TMCO6: variants seen among roughly 807,000 people sequenced by gnomAD.
The protein encoded by TMCO6 is transmembrane and coiled-coil domains 6.
A neutral mutation model predicts 61.8 loss-of-function variants in TMCO6; 47 were observed. That is an observed-to-expected ratio of 0.76 (90% CI 0.60 to 0.97). The LOEUF (loss-of-function observed/expected upper bound fraction) is 0.97, where lower values mean the gene tolerates loss of function less well. Ranked by LOEUF, TMCO6 falls within the 50% of genes least tolerant of loss-of-function variation. The pLI, the probability that TMCO6 is intolerant of heterozygous loss-of-function variation, is 0.00. For missense variants in TMCO6, 557 were observed against 601.6 expected, an observed-to-expected ratio of 0.93 and a Z score of 0.78; for synonymous variants, 261 against 254.2, an observed-to-expected ratio of 1.03 and a Z score of -0.25.
At chr5:140,604,610 A>G in the TMCO6 span, among the ~76,000 whole-genome samples, 37 of 151,938 alleles carry the variant, frequency 2.4e-4, no homozygotes, top group African/African-American at 8.5e-4. Flanking sequence ...TTTGTTGCTC[A>G]TGCTTTTGGT....
At chr5:140,644,899 C>A in intron 11 of TMCO6, 86 bp from the exon 12 acceptor site, 2 of 1,520,186 alleles carry the variant, frequency 1.3e-6, no homozygotes, top group Non-Finnish European at 9.1e-7. Context: ...AATGCACCCT[C>A]TGGAGTAGGC....
At position 140,641,969 on chromosome 5, in the gene TMCO6, C is replaced by G. The variant is rs528915325; in HGVS notation, c.414C>G (p.Ser138=). ...GGTGCCTGCATGAGCTCTCTCACTC[C>G]GAGCAGTCCACTGTTGCTGAGGCCT... ...AARCLHELSH[S]EQSTVAEACL... is the part of the protein sequence containing the mutation. Residue 138 remains serine, a synonymous_variant, in exon 4 of 12, where the codon TCC becomes TCG. Coordinates refer to ENST00000394671, the MANE Select transcript of TMCO6 (RefSeq NM_018502.5). The G allele has an allele frequency of 1.2e-6, 2 of 1,614,082 alleles. No homozygotes were observed. Among genetic ancestry groups the G allele is most frequent in the South Asian group, 2.2e-5 (2 of 91,084 alleles).
the TMCO6 span, among the ~76,000 whole-genome samples, chr5:140,614,618 CT>C: frequency 2.9e-4 from 42 of 146,746 alleles, no homozygotes; most frequent in East Asian, 6.0e-4. Flanking sequence ...TCTTTCATTC[CT>C]TTTTTTTTTT....
the TMCO6 span, among the ~76,000 whole-genome samples, chr5:140,599,696 T>C: frequency 2.0e-5 from 3 of 151,824 alleles, no homozygotes; most frequent in Non-Finnish European, 2.9e-5. Flanking sequence ...AGGTCAGGAG[T>C]TTGAGACCAA....
chr5:140,643,792 G>C lies in TMCO6; in HGVS notation c.931G>C (p.Val311Leu), dbSNP rs749485111. The C allele has an allele frequency of 2.5e-6, 4 of 1,614,038 alleles. No homozygotes were observed. In the South Asian group the frequency reaches 4.4e-5, roughly 18 times the overall value. The change falls in exon 9 of 12, where the codon GTG becomes CTG. Residue 311 changes from valine (V) to leucine (L), a missense_variant. Coordinates refer to ENST00000394671, the MANE Select transcript of TMCO6 (RefSeq NM_018502.5). Reference protein sequence around the residue: ...DAGLELLACPVLRCLSNLLTE... With the variant: ...DAGLELLACPLLRCLSNLLTE... ...TTTGTCTTTGCAGCTGGCATGCCCC[G>C]TGCTTCGATGTCTAAGCAACCTGCT...
the TMCO6 span, among the ~76,000 whole-genome samples, chr5:140,617,056 A>G: frequency 0.028 from 4,253 of 152,238 alleles, 174 homozygotes; most frequent in African/African-American, 0.092. Flanking sequence ...AAAAAAGAAA[A>G]AAAAAAAAGT....
At chr5:140,641,308 T>TA (rs980216592) in intron 2 of TMCO6, 21 of 191,744 alleles carry the variant, frequency 1.1e-4, no homozygotes, top group African/African-American at 3.2e-4. Flanking sequence ...TGGTTGTTGT[T>TA]AGAGTGTAGG....
At chr5:140,615,504 G>C in the TMCO6 span, among the ~76,000 whole-genome samples, 1 of 151,812 alleles carries the variant, frequency 6.6e-6, no homozygotes, top group African/African-American at 2.4e-5. Context: ...GGAAAAAAAA[G>C]AACCAAGTTG....
rs541132162 is a variant in TMCO6 at position 140,641,712 on chromosome 5, G to A, written c.246G>A (p.Glu82=). The stretch of plus-strand genomic sequence containing the variant: ...CCCAGCGGGGGACAGAGGAAAAGGA[G>A]AGAGAGGGGGCTCTGGTCAGCCTTC... ...RQAQRGTEEK[E]REGALVSLRR... is the part of the protein sequence containing the mutation. The change falls in exon 3 of 12, where the codon GAG becomes GAA. Residue 82 remains glutamate (E), a synonymous_variant. Transcript: ENST00000394671. 8.0e-5 allele frequency: 129 copies of A among 1,614,226 alleles called. 3 individuals carry two copies. The South Asian group carries it at 1.4e-3, about 17-fold the overall frequency.
chr5:140,644,341 T>A, intron 10 of TMCO6, 147 bp downstream of exon 10: 2 of 992,366 alleles, frequency 2.0e-6, no homozygotes, highest in African/African-American at 1.6e-5. Context: ...GTGTGTCCCT[T>A]AAACTGGATT....
At chr5:140,617,626 C>T in the TMCO6 span, among the ~76,000 whole-genome samples, 13 of 150,710 alleles carry the variant, frequency 8.6e-5, no homozygotes, top group Admixed American at 7.3e-4. Context: ...TTTAGCTACT[C>T]GGGAGGCTGA....
At chr5:140,639,927 C>T (rs754061855) in intron 2 of TMCO6, 76 bp downstream of exon 2, 33 of 1,307,748 alleles carry the variant, frequency 2.5e-5, no homozygotes, top group Non-Finnish European at 3.6e-5. Flanking sequence ...GAGGTCTGCC[C>T]CAAACCTGAA....
the TMCO6 span, among the ~76,000 whole-genome samples, chr5:140,623,940 A>T: frequency 2.6e-5 from 4 of 152,128 alleles, no homozygotes; most frequent in South Asian, 8.3e-4. Context: ...GTCTTCAAAA[A>T]ATGCGCATAA....
the TMCO6 span, among the ~76,000 whole-genome samples, chr5:140,597,258 C>T: frequency 1.3e-5 from 2 of 152,202 alleles, no homozygotes; most frequent in South Asian, 2.1e-4. Context: ...TTTTGCAATA[C>T]ATTTGGCTAT....
the TMCO6 span, among the ~76,000 whole-genome samples, chr5:140,608,037 G>A: frequency 7.2e-5 from 11 of 152,150 alleles, no homozygotes; most frequent in East Asian, 9.7e-4. Flanking sequence ...TGATCTGCCC[G>A]CCTCGGCCTC....
chr5:140,625,518 G>T, the TMCO6 span, among the ~76,000 whole-genome samples: 6 of 152,164 alleles, frequency 3.9e-5, no homozygotes, highest in Admixed American at 3.9e-4. Context: ...CTCATGTGAG[G>T]TCTATTCTAA....
chr5:140,632,561 T>C, the TMCO6 span: 2 of 1,614,100 alleles, frequency 1.2e-6, no homozygotes, highest in Non-Finnish European at 1.7e-6. This position sits in a 1 kb window ranked among gnomAD's most constrained non-coding sequence, Gnocchi z 6.2. Flanking sequence ...AAAGTGCAAG[T>C]CCTGTGGCTT....
chr5:140,623,249 C>T, the TMCO6 span, among the ~76,000 whole-genome samples: 1 of 152,188 alleles, frequency 6.6e-6, no homozygotes, highest in South Asian at 2.1e-4. Flanking sequence ...CCCTGTTTCC[C>T]TAGCTGTGCA....
At chr5:140,645,748 CT>C, downstream of TMCO6, 1 of 1,608,540 alleles carries the variant, frequency 6.2e-7, no homozygotes, top group Non-Finnish European at 8.5e-7. Flanking sequence ...AATAAAAGAT[CT>C]TTGTCTTTAT....
Sources: gnomAD v4.1 joint callset for allele counts (sites outside exome capture counted in the v4.1 genomes callset) on GRCh38, gnomAD v4.1.1 for gene constraint, Gnocchi (gnomAD v3.1) non-coding constraint, MANE v1.5 for transcripts, NCBI Gene and HGNC (gene_info 2026-07-23, HGNC 2026-07-21) for gene names.